KMT5A: variants seen among roughly 807,000 people sequenced by gnomAD.
KMT5A encodes lysine methyltransferase 5A.
Under a neutral mutation model 40.6 loss-of-function variants are expected in KMT5A, and 6 were observed. The observed-to-expected ratio is 0.15, with a 90% CI of 0.08 to 0.29. The LOEUF is 0.29. Ranked by LOEUF, KMT5A falls within the 10% of genes least tolerant of loss-of-function variation. The pLI is 1.00. For synonymous variants in KMT5A, 153 were observed against 178.8 expected, an observed-to-expected ratio of 0.86 and a Z score of 1.15; for missense variants, 308 against 459.1, an observed-to-expected ratio of 0.67 and a Z score of 3.01.
chr12:123,402,284 GC>G (rs376650642), intron 5 of KMT5A, among the ~76,000 whole-genome samples: 82 of 152,386 alleles, frequency 5.4e-4, no homozygotes, highest in Non-Finnish European at 1.0e-3. Context: ...CCGGAGCGGG[GC>G]CGGGGCCGTG....
At chr12:123,389,945 C>T in intron 2 of KMT5A, 1 of 413,914 alleles carries the variant, frequency 2.4e-6, no homozygotes. Flanking sequence ...GAGGAGGGGC[C>T]CCACGCCCAG....
chr12:123,405,793 T>C (rs1878504754), intron 7 of KMT5A, among the ~76,000 whole-genome samples: 1 of 151,630 alleles, frequency 6.6e-6, no homozygotes, highest in Non-Finnish European at 1.5e-5. Flanking sequence ...ATTACAGATG[T>C]GAGCCACTGC....
At chr12:123,405,541 T>TGAA (rs1388972224) in intron 7 of KMT5A, among the ~76,000 whole-genome samples, 1 of 128,156 alleles carries the variant, frequency 7.8e-6, no homozygotes, top group Non-Finnish European at 1.5e-5. Flanking sequence ...TTTTTTTTTT[T>TGAA]TTGAATCTCG....
At chr12:123,390,054 G>T (rs957656027) in intron 2 of KMT5A, 1 of 468,220 alleles carries the variant, frequency 2.1e-6, no homozygotes, top group Non-Finnish European at 4.4e-6. Context: ...GAATGCGCTG[G>T]CTGTGGCTCC....
At chr12:123,390,215 A>G in intron 2 of KMT5A, 1 of 452,614 alleles carries the variant, frequency 2.2e-6, no homozygotes, top group South Asian at 1.6e-5. Flanking sequence ...CCTCAGCACC[A>G]AGTGGTTAAT....
intron 2 of KMT5A, among the ~76,000 whole-genome samples, chr12:123,390,383 G>C (rs1000455265): frequency 6.6e-6 from 1 of 152,144 alleles, no homozygotes; most frequent in Non-Finnish European, 1.5e-5. Flanking sequence ...GGTTGCAGCC[G>C]ACTCTCCTGC....
intron 3 of KMT5A, among the ~76,000 whole-genome samples, chr12:123,392,460 C>A (rs1200085709): frequency 6.6e-6 from 1 of 152,046 alleles, no homozygotes; most frequent in Non-Finnish European, 1.5e-5. Context: ...GAGTTTGAGA[C>A]CAGCCTGGGC....
intron 3 of KMT5A, 74 bp downstream of exon 3, chr12:123,390,860 C>A: frequency 1.3e-6 from 2 of 1,517,616 alleles, no homozygotes; most frequent in Non-Finnish European, 1.8e-6. Context: ...TGCAAGAATG[C>A]ACATATGTAT....
At chr12:123,406,410 G>C (rs1264248904) in intron 7 of KMT5A, among the ~76,000 whole-genome samples, 2 of 152,128 alleles carry the variant, frequency 1.3e-5, no homozygotes, top group African/African-American at 4.8e-5. Context: ...CACTTCCGAA[G>C]TTTAAGCAAT....
At position 123,397,812 on chromosome 12, in the gene KMT5A, A is replaced by T. The variant is rs570495384; in HGVS notation, c.597+1380A>T. 1.1e-4 allele frequency among the ~76,000 whole-genome samples: 17 copies of T among 148,294 alleles called. No individual in the cohort carries two copies. The South Asian group carries it at 2.4e-3, about 21-fold the overall frequency. ...CTCCTGAGTAGCTGGGACTACAGGC[A>T]TTCGCCACCACGCCCAGCTAATTTT... On this transcript the variant is annotated intron_variant, in intron 5 of 7. Coordinates refer to ENST00000402868, the MANE Select transcript of KMT5A (RefSeq NM_020382.7).
chr12:123,394,915 A>G (rs1877577651), intron 3 of KMT5A, 132 bp from the exon 4 acceptor site: 1 of 797,688 alleles, frequency 1.3e-6, no homozygotes, highest in African/African-American at 1.7e-5. Flanking sequence ...GGGGCTTAAC[A>G]GGCCAAGGGC....
intron 3 of KMT5A, among the ~76,000 whole-genome samples, chr12:123,391,643 G>C (rs1342839175): frequency 6.6e-6 from 1 of 152,232 alleles, no homozygotes; most frequent in East Asian, 1.9e-4. Flanking sequence ...AAAACAAACT[G>C]AAACCTCTTA....
intron 1 of KMT5A, among the ~76,000 whole-genome samples, chr12:123,386,210 A>ATT (rs59509232): frequency 3.3e-4 from 26 of 79,834 alleles, no homozygotes; most frequent in East Asian, 2.0e-3. Context: ...TTAGATTTAG[A>ATT]TTTTTTTTTT....
intron 1 of KMT5A, chr12:123,388,783 C>A (rs1434274123): frequency 6.6e-6 from 1 of 150,420 alleles, no homozygotes; most frequent in Non-Finnish European, 1.5e-5. Context: ...CCTGGGCTGT[C>A]ATGACGGTGT....
chr12:123,407,018 CA>C (rs56732264), intron 7 of KMT5A, among the ~76,000 whole-genome samples: 1,936 of 28,592 alleles, frequency 0.068, 2 homozygotes, highest in South Asian at 0.15. Context: ...GACTCCCTCT[CA>C]AAAAAAAAAA....
In KMT5A at chr12:123,395,067, G is replaced by A. The variant is rs758323252; in HGVS notation, c.310G>A (p.Ala104Thr). 12 of 1,576,514 alleles carry A rather than the reference G, an allele frequency of 7.6e-6. No homozygotes were observed. Among genetic ancestry groups the A allele is most frequent in the South Asian group, 6.9e-5 (6 of 86,352 alleles). ...KREEKRNAGNAVRSAMKSEEQ... is the reference protein window; with the variant it reads ...KREEKRNAGNTVRSAMKSEEQ... The stretch of plus-strand genomic sequence containing the variant: ...TGCAGAGAAAAGAAATGCTGGGAAC[G>A]CAGTACGGAGCGCCATGAAGTCCGA... The change falls in exon 4 of 8, where the codon GCA becomes ACA. Residue 104 changes from alanine to threonine, a missense_variant. By Grantham distance (58) the Ala-to-Thr change is moderately conservative. Around this residue, in one of 4 missense-constraint regions of KMT5A, gnomAD observed 127 missense variants for 129.8 expected, o/e 0.98. Coordinates refer to ENST00000402868, the MANE Select transcript of KMT5A (RefSeq NM_020382.7).
At chr12:123,400,808 T>G (rs1878098112) in intron 5 of KMT5A, among the ~76,000 whole-genome samples, 1 of 151,978 alleles carries the variant, frequency 6.6e-6, no homozygotes, top group Non-Finnish European at 1.5e-5. Flanking sequence ...TTGAAGTTTT[T>G]TTTTTGTTTT....
chr12:123,402,906 C>A (rs1878283586), intron 5 of KMT5A, among the ~76,000 whole-genome samples: 1 of 152,154 alleles, frequency 6.6e-6, no homozygotes, highest in Non-Finnish European at 1.5e-5. Flanking sequence ...TCTGCTGTAC[C>A]CGATTTTCTT....
chr12:123,384,183 G>A lies in KMT5A; in HGVS notation c.-16G>A. The A allele has an allele frequency of 1.2e-6, 2 of 1,613,720 alleles. No individual in the cohort carries two copies. Among genetic ancestry groups the A allele is most frequent in the South Asian group, 2.2e-5 (2 of 91,060 alleles). ...TGGGTTTCCCGGGAGATCCCAGGCG[G>A]TGACAGAGTGGAGCCATGGCTAGAG... On this transcript the variant is annotated 5_prime_UTR_variant, in exon 1 of 8. In the 5' UTR this introduces an upstream ATG that the reference lacks. Coordinates refer to ENST00000402868, the MANE Select transcript of KMT5A (RefSeq NM_020382.7). The surrounding 1 kb of genome is among the most constrained non-coding windows in gnomAD (Gnocchi z 5.7).
Sources: allele counts gnomAD v4.1 joint callset (sites outside exome capture counted in the v4.1 genomes callset), GRCh38; gene constraint gnomAD v4.1.1; regional missense constraint gnomAD v4.1.1; non-coding constraint Gnocchi (gnomAD v3.1); transcripts MANE v1.5; gene names NCBI Gene and HGNC (gene_info 2026-07-23, HGNC 2026-07-21).